The following TMX3 variants were observed in gnomAD, a reference collection of about 807,000 sequenced individuals.
The protein encoded by TMX3 is protein disulfide-isomerase TMX3.
A neutral mutation model predicts 64.4 loss-of-function variants in TMX3; 40 were observed. The ratio of observed to expected loss-of-function variants is 0.62; its 90% CI spans 0.48 to 0.81. The LOEUF (loss-of-function observed/expected upper bound fraction) is 0.81, where lower values mean the gene tolerates loss of function less well. Among genes scored for constraint, TMX3 ranks in the 30% least tolerant of loss-of-function variants. The pLI is 0.00. For missense variants in TMX3, 497 were observed against 534.5 expected (o/e 0.93, Z 0.69); for synonymous variants, 189 against 175.7 (o/e 1.08, Z -0.60).
intron 4 of TMX3, 112 bp downstream of exon 4, chr18:68,709,909 T>A (rs2145139538): frequency 1.0e-6 from 1 of 978,716 alleles, no homozygotes. Flanking sequence ...AATTATTAAG[T>A]TAATTGAATT....
intron 10 of TMX3, among the ~76,000 whole-genome samples, chr18:68,686,341 T>C (rs1913952836): frequency 6.6e-6 from 1 of 152,218 alleles, no homozygotes; most frequent in Non-Finnish European, 1.5e-5. Context: ...AAGGTCATGC[T>C]ATTTCCTATG....
intron 10 of TMX3, among the ~76,000 whole-genome samples, chr18:68,685,848 T>G (rs1046499443): frequency 6.6e-6 from 1 of 152,230 alleles, no homozygotes; most frequent in African/African-American, 2.4e-5. Context: ...AAGGAAGCAG[T>G]ATTTGGTCTG....
At chr18:68,696,735 C>G (rs1417930108) in intron 8 of TMX3, among the ~76,000 whole-genome samples, 2 of 152,106 alleles carry the variant, frequency 1.3e-5, no homozygotes, top group South Asian at 2.1e-4. Context: ...TCTAGGCCTC[C>G]CAAAGTGCTG....
chr18:68,691,654 C>G lies in TMX3; in HGVS notation c.571-293G>C, dbSNP rs79775777. On this transcript the variant is annotated intron_variant, in intron 8 of 15. Coordinates refer to ENST00000299608, the MANE Select transcript of TMX3 (RefSeq NM_019022.5). Reference sequence around the variant, plus strand: ...CCAGCCTATTCAGGTTTAAGTCCTTCCCCACCACTCACTGGCTGTGTGATA... The same window carrying G: ...CCAGCCTATTCAGGTTTAAGTCCTTGCCCACCACTCACTGGCTGTGTGATA... Among the ~76,000 whole-genome samples the G allele has an allele frequency of 9.7e-4, 147 of 152,286 alleles. 3 individuals are homozygous for G. In the East Asian group the frequency reaches 0.025, roughly 26 times the overall value.
At chr18:68,703,799 G>A (rs982647514) in intron 4 of TMX3, among the ~76,000 whole-genome samples, 4 of 151,950 alleles carry the variant, frequency 2.6e-5, no homozygotes, top group East Asian at 1.9e-4. Flanking sequence ...GCGCGGTGGC[G>A]GGTGCCTGTA....
chr18:68,706,071 GAATC>G (rs2145122056), intron 4 of TMX3, among the ~76,000 whole-genome samples: 2 of 152,246 alleles, frequency 1.3e-5, no homozygotes, highest in East Asian at 3.9e-4. Context: ...GTGTGCAGTG[GAATC>G]ATCTGAAGTG....
At chr18:68,679,561 T>C in intron 14 of TMX3, 30 bp from the exon 15 acceptor site, 1 of 1,585,484 alleles carries the variant, frequency 6.3e-7, no homozygotes, top group Non-Finnish European at 8.6e-7. Context: ...AAATAAATTA[T>C]TTAAGCACCA....
intron 13 of TMX3, among the ~76,000 whole-genome samples, chr18:68,682,223 G>A (rs761965121): frequency 6.6e-6 from 1 of 152,114 alleles, no homozygotes; most frequent in African/African-American, 2.4e-5. Context: ...CTAATATAGT[G>A]TACAACATAC....
chr18:68,675,096 T>G lies in TMX3; in HGVS notation c.*1837A>C, dbSNP rs1379814067. 4 of 152,168 alleles carry G rather than the reference T, an allele frequency of 2.6e-5. No individual in the cohort carries two copies. Among genetic ancestry groups the G allele is most frequent in the African/African-American group, 9.7e-5 (4 of 41,446 alleles). The allele number at this position is 152,168 out of a possible 1,614,324, so 9.4% of individuals were successfully genotyped here. A position where few individuals can be genotyped will look rare whatever the true frequency, so the allele number is the denominator to read the frequency against. On this transcript the variant is annotated 3_prime_UTR_variant, in exon 16 of 16. Transcript: ENST00000299608. ...ATAACTATTTCCCCATGTCACTGACTGCTAAGTTTTCACTTCCTTACTAGG... is the reference window on the plus strand; with the variant it reads ...ATAACTATTTCCCCATGTCACTGACGGCTAAGTTTTCACTTCCTTACTAGG...
At chr18:68,709,913 T>G in intron 4 of TMX3, 108 bp downstream of exon 4, 1 of 1,055,064 alleles carries the variant, frequency 9.5e-7, no homozygotes, top group Non-Finnish European at 1.3e-6. Flanking sequence ...ATTAAGTTAA[T>G]TGAATTTTAC....
chr18:68,707,533 GTTAA>G (rs892447302), intron 4 of TMX3, among the ~76,000 whole-genome samples: 3 of 152,136 alleles, frequency 2.0e-5, no homozygotes, highest in Non-Finnish European at 4.4e-5. Flanking sequence ...AATGAAAATT[GTTAA>G]TTATCAATGA....
At chr18:68,695,521 A>G (rs548831237) in intron 8 of TMX3, among the ~76,000 whole-genome samples, 2 of 152,282 alleles carry the variant, frequency 1.3e-5, no homozygotes, top group African/African-American at 2.4e-5. Flanking sequence ...TTCACCCTCC[A>G]TATTTTCAAC....
chr18:68,713,724 G>GA lies in TMX3; in HGVS notation c.101+121dup, dbSNP rs199991313. On this transcript the variant is annotated intron_variant, in intron 2 of 15. Transcript: ENST00000299608. ...ACCCTCACCTTCACTTACAACAAGTGAAAAAAATGAGTGATATATAAAAAT... is the reference window on the plus strand; with the variant it reads ...ACCCTCACCTTCACTTACAACAAGTGAAAAAAAATGAGTGATATATAAAAAT... The GA allele has an allele frequency of 0.013, 6,001 of 453,730 alleles. 106 individuals carry two copies. Among genetic ancestry groups the GA allele is most frequent in the African/African-American group, 0.057 (2,804 of 49,128 alleles). The allele number at this position is 453,730 out of a possible 1,614,324, so 28.1% of individuals were successfully genotyped here. A position where few individuals can be genotyped will look rare whatever the true frequency, so the allele number is the denominator to read the frequency against.
In TMX3 at chr18:68,675,187, T is replaced by C. The variant is rs1020054428; in HGVS notation, c.*1746A>G. The C allele has an allele frequency of 2.6e-5, 4 of 152,142 alleles. No homozygotes were observed. The highest frequency in any genetic ancestry group is 4.8e-5 in the African/African-American group (2 of 41,450). 9.4% of individuals were successfully genotyped at this position (152,142 alleles called of 1,614,324 possible). A position where few individuals can be genotyped will look rare whatever the true frequency, so the allele number is the denominator to read the frequency against. On this transcript the variant is annotated 3_prime_UTR_variant, in exon 16 of 16. Transcript: ENST00000299608. ...CACTACTGCAAAACAAGCTTGACTATTGGGAACATTAACATTTATCTTCCC... is the reference window on the plus strand; with the variant it reads ...CACTACTGCAAAACAAGCTTGACTACTGGGAACATTAACATTTATCTTCCC...
At chr18:68,712,662 G>A (rs2031406272) in intron 2 of TMX3, among the ~76,000 whole-genome samples, 1 of 152,096 alleles carries the variant, frequency 6.6e-6, no homozygotes, top group South Asian at 2.1e-4. Context: ...AGTTGCCCCT[G>A]TTAGGACACT....
At chr18:68,678,866 C>T (rs892592785) in intron 15 of TMX3, among the ~76,000 whole-genome samples, 1 of 150,508 alleles carries the variant, frequency 6.6e-6, no homozygotes, top group African/African-American at 2.4e-5. Flanking sequence ...GGATTTGATC[C>T]ATCACATTTT....
At chr18:68,683,562 A>G (rs1182678103) in intron 12 of TMX3, among the ~76,000 whole-genome samples, 1 of 152,132 alleles carries the variant, frequency 6.6e-6, no homozygotes, top group East Asian at 1.9e-4. Context: ...ACTTCTGATC[A>G]GTCATTTATG....
At chr18:68,687,535 C>A in intron 10 of TMX3, 132 bp downstream of exon 10, 1 of 1,440,754 alleles carries the variant, frequency 6.9e-7, no homozygotes. Context: ...TCGTAAAGAA[C>A]TGGCATTCAG....
intron 4 of TMX3, among the ~76,000 whole-genome samples, chr18:68,704,166 T>TCC (rs2030420593): frequency 6.6e-6 from 1 of 152,134 alleles, no homozygotes; most frequent in African/African-American, 2.4e-5. Flanking sequence ...ACATAGAAGA[T>TCC]TCTTAAATGC....
Sources: gnomAD v4.1 joint callset for allele counts (sites outside exome capture counted in the v4.1 genomes callset) on GRCh38, gnomAD v4.1.1 for gene constraint, MANE v1.5 for transcripts, NCBI Gene and HGNC (gene_info 2026-07-23, HGNC 2026-07-21) for gene names.